The following CDH12 variants were observed in gnomAD, a reference collection of about 807,000 sequenced individuals.
The protein encoded by CDH12 is cadherin 12.
CDH12 carries 41 observed loss-of-function variants against 74.1 expected under a neutral mutation model. The ratio of observed to expected loss-of-function variants is 0.55; its 90% CI spans 0.43 to 0.72. The LOEUF (loss-of-function observed/expected upper bound fraction) is 0.72, where lower values mean the gene tolerates loss of function less well. Among genes scored for constraint, CDH12 ranks in the 30% least tolerant of loss-of-function variants. CDH12 has a pLI of 0.00. For missense variants in CDH12, 945 were observed against 977.2 expected (o/e 0.97, Z 0.44); for synonymous variants, 399 against 355.0 (o/e 1.12, Z -1.39).
chr5:22,046,345 T>C lies in CDH12; in HGVS notation c.231+32101A>G, dbSNP rs62349098. Reference sequence around the variant, plus strand: ...GACAAAGTAGAAAGAGGCCTGAATTTTAATCCAAAGATTTTCATTCTTGTC... The same window carrying C: ...GACAAAGTAGAAAGAGGCCTGAATTCTAATCCAAAGATTTTCATTCTTGTC... On this transcript the variant is annotated intron_variant, in intron 5 of 14. Transcript: ENST00000382254. Among the ~76,000 whole-genome samples the C allele has an allele frequency of 6.4e-3, 978 of 152,204 alleles. 2 individuals are homozygous for C. The highest frequency in any genetic ancestry group is 0.011 in the Non-Finnish European group (779 of 68,006).
chr5:22,445,464 G>A (rs1346799420), intron 2 of CDH12, among the ~76,000 whole-genome samples: 3 of 152,092 alleles, frequency 2.0e-5, no homozygotes, highest in Non-Finnish European at 4.4e-5. Context: ...TCAATGGCAT[G>A]TCACAAGGAT....
At chr5:22,600,589 T>A (rs1039787579) in intron 1 of CDH12, among the ~76,000 whole-genome samples, 1 of 152,116 alleles carries the variant, frequency 6.6e-6, no homozygotes, top group Non-Finnish European at 1.5e-5. Flanking sequence ...ATCCCTATGC[T>A]ACCTTATGTG....
At chr5:22,242,715 T>C (rs1045924709) in intron 3 of CDH12, among the ~76,000 whole-genome samples, 2 of 152,182 alleles carry the variant, frequency 1.3e-5, no homozygotes, top group Non-Finnish European at 2.9e-5. Flanking sequence ...TTGAAAGCGA[T>C]AGGTGGCTCT....
intron 1 of CDH12, among the ~76,000 whole-genome samples, chr5:22,703,615 A>T (rs1742833189): frequency 6.6e-6 from 1 of 152,154 alleles, no homozygotes; most frequent in Admixed American, 6.6e-5. Context: ...TGTTAAGAAA[A>T]ATGTGGCAAA....
chr5:21,760,039 G>A (rs956780670), intron 13 of CDH12, among the ~76,000 whole-genome samples: 1 of 152,142 alleles, frequency 6.6e-6, no homozygotes, highest in Non-Finnish European at 1.5e-5. Flanking sequence ...CGGCTGCATA[G>A]CATTCCATGG....
intron 8 of CDH12, among the ~76,000 whole-genome samples, chr5:21,818,219 C>T (rs1748169128): frequency 6.6e-6 from 1 of 151,874 alleles, no homozygotes; most frequent in Non-Finnish European, 1.5e-5. Context: ...TGGCTCTTTC[C>T]CATGGGTAAA....
At chr5:22,016,939 T>C (rs1737646941) in intron 5 of CDH12, among the ~76,000 whole-genome samples, 1 of 152,096 alleles carries the variant, frequency 6.6e-6, no homozygotes, top group African/African-American at 2.4e-5. Flanking sequence ...GCTATACTCC[T>C]TCTGTCACAG....
chr5:22,518,713 C>G (rs1167718673), intron 1 of CDH12, among the ~76,000 whole-genome samples: 1 of 152,124 alleles, frequency 6.6e-6, no homozygotes, highest in East Asian at 1.9e-4. Flanking sequence ...CCACACCCTG[C>G]CACCAACTAA....
At chr5:22,183,752 G>A (rs554564644) in intron 4 of CDH12, among the ~76,000 whole-genome samples, 2 of 152,164 alleles carry the variant, frequency 1.3e-5, no homozygotes, top group Non-Finnish European at 2.9e-5. Flanking sequence ...GAAATCTTAC[G>A]AGCTAAACAG....
intron 6 of CDH12, among the ~76,000 whole-genome samples, chr5:21,857,427 AT>A (rs1750812353): frequency 6.6e-6 from 1 of 151,818 alleles, no homozygotes; most frequent in Non-Finnish European, 1.5e-5. Context: ...AGAGTGCAGA[AT>A]TTGCAATGGA....
At chr5:21,976,892 CTGTG>C (rs1248534899) in intron 5 of CDH12, among the ~76,000 whole-genome samples, 1 of 151,918 alleles carries the variant, frequency 6.6e-6, no homozygotes, top group Non-Finnish European at 1.5e-5. Flanking sequence ...AATAAGCTTC[CTGTG>C]TATTAGTATG....
At chr5:22,523,762 C>A (rs1737149952) in intron 1 of CDH12, among the ~76,000 whole-genome samples, 1 of 152,008 alleles carries the variant, frequency 6.6e-6, no homozygotes, top group South Asian at 2.1e-4. Context: ...CCTTCCCAGA[C>A]TATTTAATTA....
chr5:22,125,960 G>T (rs368310628), intron 4 of CDH12, among the ~76,000 whole-genome samples: 17 of 132,542 alleles, frequency 1.3e-4, no homozygotes, highest in East Asian at 2.2e-4. Flanking sequence ...CACTTTCATT[G>T]TTTTTTTTTT....
intron 1 of CDH12, among the ~76,000 whole-genome samples, chr5:22,691,202 T>C (rs1012013656): frequency 2.6e-5 from 4 of 152,210 alleles, no homozygotes; most frequent in African/African-American, 9.6e-5. Context: ...ATTTCTTGCA[T>C]AGAACTGAAA....
At chr5:21,831,926 T>C (rs1019903324) in intron 8 of CDH12, among the ~76,000 whole-genome samples, 3 of 152,224 alleles carry the variant, frequency 2.0e-5, no homozygotes. Flanking sequence ...AATATTTTAA[T>C]TTCTAAAAAA....
At chr5:21,996,397 G>C (rs1324249434) in intron 5 of CDH12, among the ~76,000 whole-genome samples, 1 of 152,154 alleles carries the variant, frequency 6.6e-6, no homozygotes, top group Non-Finnish European at 1.5e-5. Context: ...TTCATGCATG[G>C]CTTCTGTTGG....
rs1745794096 is a variant in CDH12, at chr5:22,467,747, A to C, written c.-428+37523T>G. Among the ~76,000 whole-genome samples the C allele has an allele frequency of 2.0e-5, 3 of 152,366 alleles. No individual in the cohort carries two copies. The South Asian group carries it at 6.2e-4, about 32-fold the overall frequency. ...TAAAGAACATCTAATGACTAAATATAACCAGTCTGTGTAACCAGTTTCACC... is the reference window on the plus strand; with the variant it reads ...TAAAGAACATCTAATGACTAAATATCACCAGTCTGTGTAACCAGTTTCACC... On this transcript the variant is annotated intron_variant, in intron 2 of 14. Coordinates refer to ENST00000382254, the MANE Select transcript of CDH12 (RefSeq NM_004061.5).
chr5:21,889,785 G>A (rs1752813686), intron 6 of CDH12: 5 of 984,828 alleles, frequency 5.1e-6, no homozygotes, highest in Non-Finnish European at 6.0e-6. Context: ...GTCCATAAAA[G>A]CAATACTACT....
chr5:22,023,768 G>T (rs1317656000), intron 5 of CDH12, among the ~76,000 whole-genome samples: 1 of 152,076 alleles, frequency 6.6e-6, no homozygotes, highest in African/African-American at 2.4e-5. Flanking sequence ...AATTTTAGAG[G>T]TTAAATACAA....
Sources: allele counts gnomAD v4.1 joint callset (sites outside exome capture counted in the v4.1 genomes callset), GRCh38; gene constraint gnomAD v4.1.1; transcripts MANE v1.5; gene names NCBI Gene and HGNC (gene_info 2026-07-23, HGNC 2026-07-21).